Variants in AGBL1 observed in about 807,000 individuals in gnomAD.
The protein encoded by AGBL1 is AGBL carboxypeptidase 1.
In AGBL1, 130 loss-of-function variants were observed where a neutral mutation model predicts 118.9. The ratio of observed to expected loss-of-function variants is 1.09; its 90% confidence interval spans 0.95 to 1.26. AGBL1 has a LOEUF of 1.26. AGBL1 is among the 50% of genes most tolerant of loss of function. The probability of loss-of-function intolerance (pLI) is 0.00; values close to 1 mark genes in which losing one functional copy is unlikely to be tolerated. For synonymous variants in AGBL1, 555 were observed against 478.9 expected (o/e 1.16, Z -2.08); for missense variants, 1,584 against 1,298.1 (o/e 1.22, Z -3.38).
At chr15:86,106,672 C>CA (rs1174668020) in intron 1 of AGBL1, among the ~76,000 whole-genome samples, 2 of 152,230 alleles carry the variant, frequency 1.3e-5, no homozygotes, top group African/African-American at 4.8e-5. Flanking sequence ...TTGAGAACCC[C>CA]ACTCGATTCA....
chr15:86,834,246 C>A (rs2141422133), intron 22 of AGBL1, among the ~76,000 whole-genome samples: 1 of 152,206 alleles, frequency 6.6e-6, no homozygotes, highest in East Asian at 1.9e-4. Flanking sequence ...TGCAAGGTAA[C>A]TAAGAGTTCA....
chr15:86,708,988 G>A (rs547139940), intron 22 of AGBL1, among the ~76,000 whole-genome samples: 2 of 152,188 alleles, frequency 1.3e-5, no homozygotes, highest in African/African-American at 4.8e-5. Context: ...GCTTTTTAAG[G>A]TGTGTTCAAA....
At chr15:86,719,879 A>C (rs2086691214) in intron 22 of AGBL1, among the ~76,000 whole-genome samples, 1 of 152,212 alleles carries the variant, frequency 6.6e-6, no homozygotes, top group African/African-American at 2.4e-5. Context: ...TTCAATGTCC[A>C]GCACATGCTA....
At chr15:86,810,587 A>G (rs1292441666) in intron 22 of AGBL1, among the ~76,000 whole-genome samples, 1 of 152,180 alleles carries the variant, frequency 6.6e-6, no homozygotes, top group African/African-American at 2.4e-5. Context: ...TAAATGACCT[A>G]AAGTTGTCTC....
rs989374090 is a variant in AGBL1, at chr15:86,450,871, T to C, written c.2555+53325T>C. Among the ~76,000 whole-genome samples, 14 of 152,336 alleles carry C rather than the reference T, an allele frequency of 9.2e-5. No individual in the cohort carries two copies. In the East Asian group the frequency reaches 2.7e-3, roughly 29 times the overall value. On this transcript the variant is annotated intron_variant, in intron 18 of 22. Transcript: ENST00000614907. ...CATTATTAATAATATTTTATTTATC[T>C]TCATTAGTTACTGATTAATCAATAG...
At chr15:86,869,750 G>T (rs1015151046) in intron 22 of AGBL1, among the ~76,000 whole-genome samples, 1 of 152,112 alleles carries the variant, frequency 6.6e-6, no homozygotes, top group Non-Finnish European at 1.5e-5. Context: ...GACAAGGAGG[G>T]CCATGTACCA....
At chr15:86,636,932 G>C (rs926422232) in intron 21 of AGBL1, among the ~76,000 whole-genome samples, 2 of 151,162 alleles carry the variant, frequency 1.3e-5, no homozygotes, top group South Asian at 4.2e-4. Flanking sequence ...GGTGGATTTA[G>C]AGATTTATAA....
At chr15:86,571,161 G>A (rs7176835) in intron 21 of AGBL1, among the ~76,000 whole-genome samples, 23,582 of 152,072 alleles carry the variant, frequency 0.16, 2,105 homozygotes, top group Middle Eastern at 0.19. Flanking sequence ...AGGAACTGCT[G>A]GGGGCCCCAA....
At chr15:86,242,560 C>A (rs183609026) in intron 6 of AGBL1, among the ~76,000 whole-genome samples, 5 of 152,348 alleles carry the variant, frequency 3.3e-5, no homozygotes, top group Non-Finnish European at 4.4e-5. Flanking sequence ...GTTGAAGGGT[C>A]TGCCCACAGA....
At chr15:86,943,812 A>G (rs139550203) in intron 23 of AGBL1, among the ~76,000 whole-genome samples, 4 of 152,206 alleles carry the variant, frequency 2.6e-5, no homozygotes, top group African/African-American at 9.6e-5. Context: ...GCTTTTTATT[A>G]AAGGGAAACC....
At chr15:86,220,701 G>A (rs2078267041) in intron 5 of AGBL1, among the ~76,000 whole-genome samples, 1 of 152,154 alleles carries the variant, frequency 6.6e-6, no homozygotes, top group South Asian at 2.1e-4. Flanking sequence ...GCCTTTGGCT[G>A]TTATAACTCT....
intron 21 of AGBL1, among the ~76,000 whole-genome samples, chr15:86,654,930 C>G (rs1187713495): frequency 1.3e-5 from 2 of 152,124 alleles, no homozygotes; most frequent in African/African-American, 2.4e-5. Flanking sequence ...GGGTTATGCT[C>G]TTTTATAATG....
intron 24 of AGBL1, chr15:86,988,205 AC>A: frequency 1.6e-6 from 2 of 1,272,300 alleles, no homozygotes; most frequent in Non-Finnish European, 2.2e-6. Context: ...TGGGCCAACA[AC>A]AAAAAAACAA....
chr15:86,510,463 T>C (rs1007156456), intron 18 of AGBL1, among the ~76,000 whole-genome samples: 3 of 152,164 alleles, frequency 2.0e-5, no homozygotes, highest in African/African-American at 7.2e-5. Context: ...TGGGGTCTTA[T>C]GATTCATTAC....
chr15:86,394,663 T>C (rs1293279040), intron 17 of AGBL1, among the ~76,000 whole-genome samples: 2 of 152,172 alleles, frequency 1.3e-5, no homozygotes, highest in African/African-American at 2.4e-5. Flanking sequence ...TCTACTTTTA[T>C]AGTCACCATC....
At chr15:86,844,871 G>T (rs943319967) in intron 22 of AGBL1, among the ~76,000 whole-genome samples, 5 of 152,032 alleles carry the variant, frequency 3.3e-5, no homozygotes, top group Non-Finnish European at 5.9e-5. Context: ...TATATGTATC[G>T]TATGAGGTAA....
chr15:86,639,647 G>A (rs1255018972), intron 21 of AGBL1, among the ~76,000 whole-genome samples: 1 of 152,064 alleles, frequency 6.6e-6, no homozygotes, highest in Admixed American at 6.5e-5. Context: ...CGGGTCTCTT[G>A]TCCTTTCTTC....
chr15:86,711,190 C>G (rs1453355970), intron 22 of AGBL1, among the ~76,000 whole-genome samples: 4 of 152,130 alleles, frequency 2.6e-5, no homozygotes, highest in Admixed American at 2.0e-4. Flanking sequence ...AAGTGTTTTC[C>G]TCTCTGTAAA....
At chr15:86,199,740 A>G (rs921334862) in intron 5 of AGBL1, among the ~76,000 whole-genome samples, 28 of 152,204 alleles carry the variant, frequency 1.8e-4, no homozygotes, top group Non-Finnish European at 7.4e-5. Flanking sequence ...GGCAACATGA[A>G]AGATTCTGGC....
Sources: allele counts gnomAD v4.1 joint callset (sites outside exome capture counted in the v4.1 genomes callset), GRCh38; gene constraint gnomAD v4.1.1; transcripts MANE v1.5; gene names NCBI Gene and HGNC (gene_info 2026-07-23, HGNC 2026-07-21).